Variants in GRM7 observed in about 807,000 individuals in gnomAD.
GRM7 encodes the protein metabotropic glutamate receptor 7.
In GRM7, 35 loss-of-function variants were observed where a neutral mutation model predicts 84.5. The observed-to-expected ratio is 0.41, with a 90% confidence interval of 0.32 to 0.55. The LOEUF (loss-of-function observed/expected upper bound fraction) is 0.55, where lower values mean the gene tolerates loss of function less well. Ranked by LOEUF, GRM7 falls within the 20% of genes least tolerant of loss-of-function variation. The pLI is 0.19. For synonymous variants in GRM7, 487 were observed against 455.1 expected, an observed-to-expected ratio of 1.07 and a Z score of -0.89; for missense variants, 1,003 against 1,194.6, an observed-to-expected ratio of 0.84 and a Z score of 2.36.
chr3:7,729,056 TTTTC>T (rs34789308), intron 9 of GRM7, among the ~76,000 whole-genome samples: 93,954 of 132,720 alleles, frequency 0.71, 31,166 homozygotes, highest in East Asian at 0.84. Flanking sequence ...TTTTTTTTTT[TTTTC>T]CCCATAGTTT....
intron 8 of GRM7, among the ~76,000 whole-genome samples, chr3:7,617,868 A>G (rs112674102): frequency 6.6e-5 from 10 of 152,276 alleles, no homozygotes; most frequent in African/African-American, 2.2e-4. Context: ...ATTTCAACCC[A>G]TCAATCAATA....
rs573267787 is a variant in GRM7 at position 6,938,696 on chromosome 3, T to C, written c.519+76789T>C. On this transcript the variant is annotated intron_variant, in intron 1 of 9. Coordinates refer to ENST00000357716, the MANE Select transcript of GRM7 (RefSeq NM_000844.4). ...ATTCTCACATTTCTTAATTGGAATT[T>C]TGCTTTTTAAAGGTGAGCCACTTCT... 9.8e-4 allele frequency among the ~76,000 whole-genome samples: 149 copies of C among 152,270 alleles called. 1 individual carries two copies. The South Asian group carries it at 0.03, about 31-fold the overall frequency.
At chr3:7,398,351 G>C (rs1373916630) in intron 4 of GRM7, among the ~76,000 whole-genome samples, 3 of 152,106 alleles carry the variant, frequency 2.0e-5, no homozygotes, top group African/African-American at 7.2e-5. Flanking sequence ...AGAGAACATA[G>C]CAGTACAATT....
At chr3:7,583,842 C>G (rs1695386350) in intron 8 of GRM7, among the ~76,000 whole-genome samples, 1 of 152,184 alleles carries the variant, frequency 6.6e-6, no homozygotes, top group Non-Finnish European at 1.5e-5. Flanking sequence ...ATTAAACTTA[C>G]AATGCGTGTA....
chr3:7,021,903 G>A (rs990360608), intron 1 of GRM7, among the ~76,000 whole-genome samples: 12 of 152,096 alleles, frequency 7.9e-5, no homozygotes, highest in African/African-American at 2.9e-4. Flanking sequence ...TTGACACTTG[G>A]TGTGAAAATG....
At chr3:7,372,698 C>A (rs1694190563) in intron 4 of GRM7, among the ~76,000 whole-genome samples, 1 of 152,092 alleles carries the variant, frequency 6.6e-6, no homozygotes, top group Non-Finnish European at 1.5e-5. Flanking sequence ...CGATACTTGT[C>A]ATCTTTGTCA....
intron 1 of GRM7, among the ~76,000 whole-genome samples, chr3:7,084,401 T>C (rs1045164413): frequency 6.6e-6 from 1 of 152,056 alleles, no homozygotes; most frequent in Non-Finnish European, 1.5e-5. Flanking sequence ...CTGATCAAAG[T>C]TTAAGAATCA....
chr3:7,426,307 C>A (rs1696609699), intron 5 of GRM7, among the ~76,000 whole-genome samples: 1 of 151,922 alleles, frequency 6.6e-6, no homozygotes, highest in East Asian at 1.9e-4. Context: ...TTAGTAGAGA[C>A]AGGGTTTCTC....
intron 8 of GRM7, among the ~76,000 whole-genome samples, chr3:7,611,849 C>A (rs528989670): frequency 6.6e-6 from 1 of 152,204 alleles, no homozygotes; most frequent in Admixed American, 6.5e-5. Context: ...AGACGTGGAA[C>A]ATTGAAGTTA....
At chr3:7,111,666 G>A (rs1010984100) in intron 1 of GRM7, among the ~76,000 whole-genome samples, 10 of 152,008 alleles carry the variant, frequency 6.6e-5, no homozygotes, top group Non-Finnish European at 1.2e-4. Flanking sequence ...GATTATTGCC[G>A]TTTGTTTTCA....
At chr3:6,912,868 C>A (rs1696819386) in intron 1 of GRM7, among the ~76,000 whole-genome samples, 1 of 152,050 alleles carries the variant, frequency 6.6e-6, no homozygotes, top group Non-Finnish European at 1.5e-5. Context: ...GTGAATAAAA[C>A]CACATTTTCT....
At chr3:7,225,658 C>T (rs2124886346) in intron 2 of GRM7, among the ~76,000 whole-genome samples, 2 of 151,192 alleles carry the variant, frequency 1.3e-5, no homozygotes, top group South Asian at 4.2e-4. Context: ...ATGGGCATCT[C>T]CAAGTTGCCA....
intron 1 of GRM7, among the ~76,000 whole-genome samples, chr3:6,915,635 T>G (rs1290287050): frequency 6.6e-6 from 1 of 152,122 alleles, no homozygotes; most frequent in Non-Finnish European, 1.5e-5. Context: ...TACAGAAACT[T>G]TCTTTCTATG....
chr3:7,345,155 G>A (rs17698784), intron 4 of GRM7, among the ~76,000 whole-genome samples: 57,934 of 151,820 alleles, frequency 0.38, 11,226 homozygotes, highest in South Asian at 0.45. Flanking sequence ...TAGAAATGAC[G>A]TTTGAATTTT....
chr3:7,592,761 T>C, intron 8 of GRM7, among the ~76,000 whole-genome samples: 1 of 152,234 alleles, frequency 6.6e-6, no homozygotes, highest in East Asian at 1.9e-4. Flanking sequence ...CTTCATACTT[T>C]TTCCACAGTT....
intron 1 of GRM7, among the ~76,000 whole-genome samples, chr3:6,937,252 G>C (rs1273092178): frequency 7.2e-4 from 110 of 152,096 alleles, no homozygotes; most frequent in Non-Finnish European, 1.8e-4. Context: ...TTTTACAATT[G>C]GGAATTCCAC....
intron 5 of GRM7, among the ~76,000 whole-genome samples, chr3:7,435,237 C>G (rs1360929496): frequency 6.6e-6 from 1 of 151,570 alleles, no homozygotes; most frequent in East Asian, 1.9e-4. Flanking sequence ...GATCTCGGCT[C>G]ACTGTGGCCT....
At chr3:7,115,781 A>G (rs1693010479) in intron 1 of GRM7, among the ~76,000 whole-genome samples, 1 of 152,140 alleles carries the variant, frequency 6.6e-6, no homozygotes, top group South Asian at 2.1e-4. Context: ...ATTCTGTACA[A>G]ATAGAAGGTT....
At chr3:7,013,050 C>T (rs561533161) in intron 1 of GRM7, among the ~76,000 whole-genome samples, 2 of 151,816 alleles carry the variant, frequency 1.3e-5, no homozygotes, top group African/African-American at 4.8e-5. Flanking sequence ...TTCCTGACAA[C>T]CCCCAGTTTT....
Sources: allele counts gnomAD v4.1 joint callset (sites outside exome capture counted in the v4.1 genomes callset), GRCh38; gene constraint gnomAD v4.1.1; transcripts MANE v1.5; gene names NCBI Gene and HGNC (gene_info 2026-07-23, HGNC 2026-07-21).